STOX1: variants seen among roughly 807,000 people sequenced by gnomAD.
The protein encoded by STOX1 is storkhead-box protein 1.
In STOX1, 57 loss-of-function variants were observed where a neutral mutation model predicts 74.8. That is an observed-to-expected ratio of 0.76 (90% CI 0.62 to 0.95). The LOEUF (loss-of-function observed/expected upper bound fraction) is 0.95. Among genes scored for constraint, STOX1 ranks in the 40% least tolerant of loss-of-function variants. The pLI is 0.00. For synonymous variants in STOX1, 375 were observed against 401.3 expected (o/e 0.93, Z 0.78); for missense variants, 1,010 against 1,117.0 (o/e 0.90, Z 1.37).
chr10:68,882,226 C>A, intron 2 of STOX1, 116 bp downstream of exon 2: 1 of 991,066 alleles, frequency 1.0e-6, no homozygotes, highest in Non-Finnish European at 1.6e-6. Flanking sequence ...TTCTATAGAA[C>A]TTTATATCAG....
intron 1 of STOX1, among the ~76,000 whole-genome samples, chr10:68,865,268 C>T (rs979537402): frequency 6.6e-6 from 1 of 152,236 alleles, no homozygotes; most frequent in Non-Finnish European, 1.5e-5. Context: ...AGGTTGTTTA[C>T]CGCAGGAATC....
chr10:68,832,659 C>T lies in STOX1; in HGVS notation c.310+4726C>T, dbSNP rs1202814130. On this transcript the variant is annotated intron_variant, in intron 1 of 3. Transcript: ENST00000298596. The stretch of plus-strand genomic sequence containing the variant: ...AGCCTGGGCAACAGAGGGAAAATGT[C>T]TTAAAAAAAAAAAAAAAAGAAAGCA... Among the ~76,000 whole-genome samples the T allele has an allele frequency of 5.8e-5, 4 of 68,404 alleles. No individual in the cohort carries two copies. In the South Asian group the frequency reaches 1.5e-3, roughly 26 times the overall value. 44.9% of individuals were successfully genotyped at this position (68,404 alleles called of 152,430 possible).
At chr10:68,841,785 T>C (rs969833336) in intron 1 of STOX1, among the ~76,000 whole-genome samples, 6 of 152,176 alleles carry the variant, frequency 3.9e-5, no homozygotes, top group African/African-American at 1.4e-4. Context: ...TCCAGTCTCA[T>C]TCTACCAGCA....
At chr10:68,873,341 A>G (rs1840584360) in intron 1 of STOX1, among the ~76,000 whole-genome samples, 1 of 144,442 alleles carries the variant, frequency 6.9e-6, no homozygotes, top group African/African-American at 2.6e-5. Context: ...GCTCACTGCA[A>G]GCTCCGCCTC....
intron 1 of STOX1, among the ~76,000 whole-genome samples, chr10:68,858,198 A>G (rs1840173175): frequency 6.6e-6 from 1 of 152,122 alleles, no homozygotes; most frequent in African/African-American, 2.4e-5. Flanking sequence ...TCAATGGTAC[A>G]GTAATGGATG....
chr10:68,871,187 T>C (rs891269533), intron 1 of STOX1, among the ~76,000 whole-genome samples: 2 of 152,162 alleles, frequency 1.3e-5, no homozygotes, highest in African/African-American at 4.8e-5. Context: ...CTGGTTTGAG[T>C]CGGTCATTCC....
At chr10:68,874,967 G>C (rs1374321787) in intron 1 of STOX1, among the ~76,000 whole-genome samples, 1 of 152,196 alleles carries the variant, frequency 6.6e-6, no homozygotes, top group Non-Finnish European at 1.5e-5. Context: ...AAATGGCCGG[G>C]AAATGGATTT....
At chr10:68,829,504 C>T (rs530448925) in intron 1 of STOX1, among the ~76,000 whole-genome samples, 13 of 151,610 alleles carry the variant, frequency 8.6e-5, no homozygotes, top group African/African-American at 1.5e-4. Flanking sequence ...GTGACAAGAG[C>T]GAAACTCCGT....
intron 1 of STOX1, among the ~76,000 whole-genome samples, chr10:68,850,108 G>A (rs986754330): frequency 6.6e-6 from 1 of 151,974 alleles, no homozygotes. Context: ...TCCACCTCCC[G>A]GGCTCAAGTG....
chr10:68,879,235 T>C (rs896300947), intron 1 of STOX1, among the ~76,000 whole-genome samples: 1 of 152,182 alleles, frequency 6.6e-6, no homozygotes, highest in African/African-American at 2.4e-5. Flanking sequence ...TCCTAGTACT[T>C]TGAGAATAGC....
At chr10:68,881,926 C>T (rs1292882547) in intron 1 of STOX1, 32 bp from the exon 2 acceptor site, 7 of 1,613,216 alleles carry the variant, frequency 4.3e-6, no homozygotes, top group East Asian at 2.2e-5. Flanking sequence ...TTTATCAACC[C>T]CCTCCCCCTT....
At chr10:68,854,391 G>A (rs1228768815) in intron 1 of STOX1, among the ~76,000 whole-genome samples, 1 of 151,804 alleles carries the variant, frequency 6.6e-6, no homozygotes, top group African/African-American at 2.4e-5. Context: ...GACCTCTCTG[G>A]GCTCAGGTGA....
rs533534641 is a variant in STOX1, at chr10:68,859,258, C to G, written c.311-22700C>G. Among the ~76,000 whole-genome samples the G allele has an allele frequency of 9.2e-4, 140 of 152,244 alleles. 1 individual carries two copies. Among genetic ancestry groups the G allele is most frequent in the African/African-American group, 3.3e-3 (136 of 41,492 alleles). Reference sequence around the variant, plus strand: ...AGGCATCCCATTCTCAGGGCCATAACTGTAGATACCCATTTTGAGAGCAAC... The same window carrying G: ...AGGCATCCCATTCTCAGGGCCATAAGTGTAGATACCCATTTTGAGAGCAAC... On this transcript the variant is annotated intron_variant, in intron 1 of 3. Transcript: ENST00000298596.
At chr10:68,873,142 T>C (rs1474277329) in intron 1 of STOX1, among the ~76,000 whole-genome samples, 1 of 152,178 alleles carries the variant, frequency 6.6e-6, no homozygotes, top group East Asian at 1.9e-4. Context: ...GCCAAAATGT[T>C]GGGGTTGCAG....
At position 68,849,043 on chromosome 10, in the gene STOX1, A is replaced by T. The variant is rs138355437; in HGVS notation, c.310+21110A>T. ...GCATGGGACCCACGTCTGGCATCTCAGGCTGTCCTGGAGGCCTCATTCTGT... is the reference window on the plus strand; with the variant it reads ...GCATGGGACCCACGTCTGGCATCTCTGGCTGTCCTGGAGGCCTCATTCTGT... On this transcript the variant is annotated intron_variant, in intron 1 of 3. Transcript: ENST00000298596. Among the ~76,000 whole-genome samples, 5 of 152,296 alleles carry T rather than the reference A, an allele frequency of 3.3e-5. No individual in the cohort carries two copies. In the East Asian group the frequency reaches 9.6e-4, roughly 29 times the overall value.
At chr10:68,887,645 G>A (rs1183629865) in intron 3 of STOX1, among the ~76,000 whole-genome samples, 1 of 145,754 alleles carries the variant, frequency 6.9e-6, no homozygotes, top group East Asian at 2.0e-4. Context: ...CCAGGCTGGA[G>A]TGCAGTGGTG....
intron 1 of STOX1, chr10:68,828,307 C>T (rs1839318227): frequency 9.4e-6 from 11 of 1,166,916 alleles, no homozygotes; most frequent in Non-Finnish European, 1.2e-5. Flanking sequence ...CGTCCCGCGC[C>T]AGCTGTGAGC....
chr10:68,846,021 G>A (rs1839837619), intron 1 of STOX1, among the ~76,000 whole-genome samples: 1 of 151,960 alleles, frequency 6.6e-6, no homozygotes, highest in African/African-American at 2.4e-5. Flanking sequence ...TTACAAGTGT[G>A]AGCCACTGTG....
intron 1 of STOX1, among the ~76,000 whole-genome samples, chr10:68,851,322 AAG>A (rs1839979120): frequency 6.6e-6 from 1 of 151,852 alleles, no homozygotes; most frequent in Non-Finnish European, 1.5e-5. Context: ...AAAAAGAAAA[AAG>A]AGTGGAGAAA....
Sources: allele counts gnomAD v4.1 joint callset (sites outside exome capture counted in the v4.1 genomes callset), GRCh38; gene constraint gnomAD v4.1.1; transcripts MANE v1.5; gene names NCBI Gene and HGNC (gene_info 2026-07-23, HGNC 2026-07-21).